CD164: variants seen among roughly 807,000 people sequenced by gnomAD.
CD164 encodes CD164 molecule, also known as sialomucin core protein 24.
CD164 carries 11 observed loss-of-function variants against 24.6 expected under a neutral mutation model. The ratio of observed to expected loss-of-function variants is 0.45; its 90% CI spans 0.28 to 0.74. The LOEUF (loss-of-function observed/expected upper bound fraction) is 0.74. Among genes scored for constraint, CD164 ranks in the 30% least tolerant of loss-of-function variants. The pLI is 0.13. For synonymous variants in CD164, 126 were observed against 100.3 expected (o/e 1.26, Z -1.53); for missense variants, 295 against 243.7 (o/e 1.21, Z -1.40).
chr6:109,381,871 G>A, intron 1 of CD164: 1 of 483,262 alleles, frequency 2.1e-6, no homozygotes, highest in Non-Finnish European at 3.7e-6. Flanking sequence ...CTGCCCCCGC[G>A]GAAGGAAGCC....
rs1297269757 is a variant in CD164 at position 109,382,191 on chromosome 6, G to A, written c.175+13C>T. ...GCAGGGGAGGGCGGGAAGCCCACAGGGCCCGCGCCCACCTGGTGCCGGAGT... is the reference window on the plus strand; with the variant it reads ...GCAGGGGAGGGCGGGAAGCCCACAGAGCCCGCGCCCACCTGGTGCCGGAGT... On this transcript the variant is annotated intron_variant, in intron 1 of 5. Transcript: ENST00000310786. The A allele has an allele frequency of 6.5e-7, 1 of 1,534,912 alleles. No individual in the cohort carries two copies.
intron 4 of CD164, among the ~76,000 whole-genome samples, chr6:109,375,665 G>T (rs994577442): frequency 6.8e-6 from 1 of 147,424 alleles, no homozygotes; most frequent in South Asian, 2.1e-4. Context: ...GTGCATGAAC[G>T]TTATCGTACA....
chr6:109,369,065 C>T, intron 5 of CD164, 48 bp from the exon 6 acceptor site: 1 of 1,528,534 alleles, frequency 6.5e-7, no homozygotes, highest in Non-Finnish European at 8.9e-7. Flanking sequence ...TCATGGTCCT[C>T]TATTGTAATT....
chr6:109,371,701 A>G (rs1453788859), intron 4 of CD164: 1 of 153,794 alleles, frequency 6.5e-6, no homozygotes, highest in Non-Finnish European at 1.5e-5. Context: ...AGTTTGCTGG[A>G]GCATTTGAGA....
intron 2 of CD164, 74 bp downstream of exon 2, chr6:109,379,505 C>A: frequency 9.0e-7 from 1 of 1,115,098 alleles, no homozygotes; most frequent in South Asian, 1.4e-5. Flanking sequence ...TCCTACATAA[C>A]TTTCAAGTGT....
chr6:109,377,566 A>G (rs1582484902), intron 3 of CD164, among the ~76,000 whole-genome samples: 2 of 152,044 alleles, frequency 1.3e-5, no homozygotes, highest in Admixed American at 6.6e-5. Flanking sequence ...CGCAACACCA[A>G]AAGTGCCAGA....
chr6:109,372,936 A>G (rs1358958356), intron 4 of CD164: 3 of 152,224 alleles, frequency 2.0e-5, no homozygotes, highest in African/African-American at 7.2e-5. Context: ...CGATTTTGAA[A>G]AAAGTATTGC....
At chr6:109,369,080 G>A in intron 5 of CD164, 63 bp from the exon 6 acceptor site, 1 of 1,394,914 alleles carries the variant, frequency 7.2e-7, no homozygotes, top group African/African-American at 1.5e-5. Flanking sequence ...GTAATTTAAA[G>A]ATGCACCTGA....
rs950279118 is a variant in CD164, at chr6:109,367,041, C to T, written c.*1810G>A. The T allele has an allele frequency of 1.1e-4, 16 of 152,372 alleles. No homozygotes were observed. The highest frequency in any genetic ancestry group is 3.6e-4 in the African/African-American group (15 of 41,432). The allele number at this position is 152,372 out of a possible 1,614,324, so 9.4% of individuals were successfully genotyped here. A position where few individuals can be genotyped will look rare whatever the true frequency, so the allele number is the denominator to read the frequency against. On this transcript the variant is annotated 3_prime_UTR_variant, in exon 6 of 6. Transcript: ENST00000310786. ...GGAGGAATGGAATTCTGCCTATTTT[C>T]GAATTAATCCTACAGCACTCACTAA...
intron 3 of CD164, among the ~76,000 whole-genome samples, chr6:109,376,557 T>C (rs1028221275): frequency 3.9e-5 from 6 of 152,318 alleles, no homozygotes; most frequent in East Asian, 1.9e-4. Flanking sequence ...TCCCTAATGG[T>C]TGCAGAGCTG....
Position 109,367,313 on chromosome 6 carries a change from CAG to C in CD164, c.*1536_*1537del, listed in dbSNP as rs1376240445. Reference sequence around the variant, plus strand: ...ACAACCTTTAATAGTTATCTAAATGCAGAGTTTGTTTATGAAATGAAACAAAG... The same window carrying C: ...ACAACCTTTAATAGTTATCTAAATGCAGTTTGTTTATGAAATGAAACAAAG... On this transcript the variant is annotated 3_prime_UTR_variant, in exon 6 of 6. Transcript: ENST00000310786. 7.9e-5 allele frequency: 12 copies of C among 152,668 alleles called. No individual in the cohort carries two copies. Among genetic ancestry groups the C allele is most frequent in the Non-Finnish European group, 1.3e-4 (9 of 67,990 alleles). The allele number at this position is 152,668 out of a possible 1,614,324, so 9.5% of individuals were successfully genotyped here.
At position 109,367,383 on chromosome 6, in the gene CD164, G is replaced by A. The variant is rs1020061626; in HGVS notation, c.*1468C>T. ...CTATAAAATATTGAAAATCAAGTGC[G>A]AAACTCAGCCACTATTGGCTAAAGA... On this transcript the variant is annotated 3_prime_UTR_variant, in exon 6 of 6. Coordinates refer to ENST00000310786, the MANE Select transcript of CD164 (RefSeq NM_006016.6). 5 of 152,326 alleles carry A rather than the reference G, an allele frequency of 3.3e-5. No individual in the cohort carries two copies. In the South Asian group the frequency reaches 6.2e-4, roughly 19 times the overall value. 9.4% of individuals were successfully genotyped at this position (152,326 alleles called of 1,614,324 possible).
At chr6:109,369,318 C>G (rs1039879755) in intron 5 of CD164, among the ~76,000 whole-genome samples, 2 of 152,144 alleles carry the variant, frequency 1.3e-5, no homozygotes, top group Non-Finnish European at 2.9e-5. Context: ...AAATATGCAA[C>G]AATTTCTTCA....
intron 1 of CD164, among the ~76,000 whole-genome samples, chr6:109,381,126 T>C (rs1355627733): frequency 5.9e-5 from 9 of 152,250 alleles, no homozygotes; most frequent in Non-Finnish European, 1.2e-4. Flanking sequence ...CCTTAACTAA[T>C]GTTAACTAGA....
At chr6:109,375,795 T>G (rs1394572366) in intron 4 of CD164, 1 of 325,338 alleles carries the variant, frequency 3.1e-6, no homozygotes, top group African/African-American at 2.2e-5. Context: ...GCTTCTATAT[T>G]TCCCAAGATT....
chr6:109,368,584 G>A lies in CD164; in HGVS notation c.*267C>T. 1.5e-6 allele frequency: 2 copies of A among 1,336,708 alleles called. No homozygotes were observed. Among genetic ancestry groups the A allele is most frequent in the South Asian group, 2.1e-5 (1 of 47,292 alleles). 82.8% of individuals were successfully genotyped at this position (1,336,708 alleles called of 1,614,324 possible). On this transcript the variant is annotated 3_prime_UTR_variant, in exon 6 of 6. Coordinates refer to ENST00000310786, the MANE Select transcript of CD164 (RefSeq NM_006016.6). Reference sequence around the variant, plus strand: ...AGAAAGTTATATTTGGCATGTTAAGGAAAAAAAATATAATCCCACAGCAGC... The same window carrying A: ...AGAAAGTTATATTTGGCATGTTAAGAAAAAAAAATATAATCCCACAGCAGC...
rs573280599 is a variant in CD164 at position 109,378,050 on chromosome 6, A to G, written c.260-79T>C. 9.3e-5 allele frequency: 115 copies of G among 1,231,150 alleles called. 2 individuals are homozygous for G. In the East Asian group the frequency reaches 2.4e-3, roughly 26 times the overall value. The allele number at this position is 1,231,150 out of a possible 1,614,324, so 76.3% of individuals were successfully genotyped here. ...ATCTTTGACTCTGCTACTAAGCTCT[A>G]TGAAATCAAACCCAAACACTTTAGA... On this transcript the variant is annotated intron_variant, in intron 2 of 5. Coordinates refer to ENST00000310786, the MANE Select transcript of CD164 (RefSeq NM_006016.6).
chr6:109,368,604 A>G lies in CD164; in HGVS notation c.*247T>C. 7.4e-7 allele frequency: 1 copy of G among 1,350,368 alleles called. No individual in the cohort carries two copies. Among genetic ancestry groups the G allele is most frequent in the Non-Finnish European group, 9.5e-7 (1 of 1,057,170 alleles). 83.6% of individuals were successfully genotyped at this position (1,350,368 alleles called of 1,614,324 possible). ...TTAAGGAAAAAAAATATAATCCCAC[A>G]GCAGCAGCTATTTAAAATAAGACAG... On this transcript the variant is annotated 3_prime_UTR_variant, in exon 6 of 6. Transcript: ENST00000310786.
chr6:109,380,422 A>G (rs1292547348), intron 1 of CD164: 3 of 152,192 alleles, frequency 2.0e-5, no homozygotes, highest in African/African-American at 7.2e-5. Flanking sequence ...GGCTCCATTC[A>G]TTTTCCTAGA....
Sources: allele counts gnomAD v4.1 joint callset (sites outside exome capture counted in the v4.1 genomes callset), GRCh38; gene constraint gnomAD v4.1.1; transcripts MANE v1.5; gene names NCBI Gene and HGNC (gene_info 2026-07-23, HGNC 2026-07-21).